REPS2: variants seen among roughly 807,000 people sequenced by gnomAD.
REPS2 encodes the protein RALBP1 associated Eps domain containing 2.
A neutral mutation model predicts 53.6 loss-of-function variants in REPS2; 23 were observed. That is an observed-to-expected ratio of 0.43 (90% CI 0.31 to 0.61). The LOEUF (loss-of-function observed/expected upper bound fraction) is 0.61. Ranked by LOEUF, REPS2 falls within the 20% of genes least tolerant of loss-of-function variation. REPS2 has a pLI of 0.11. For synonymous variants in REPS2, 238 were observed against 218.6 expected, an observed-to-expected ratio of 1.09 and a Z score of -0.78; for missense variants, 446 against 534.9, an observed-to-expected ratio of 0.83 and a Z score of 1.64.
At chrX:17,097,870 A>G (rs113751493) in intron 13 of REPS2, among the ~76,000 whole-genome samples, 2,874 of 112,228 alleles carry the variant, frequency 0.026, 93 homozygotes, top group African/African-American at 0.088. Context: ...AAAGTCTGAA[A>G]AGTCCTATAA....
chrX:17,104,426 G>T (rs750163651), intron 14 of REPS2, among the ~76,000 whole-genome samples: 12 of 112,247 alleles, frequency 1.1e-4, no homozygotes, highest in African/African-American at 2.9e-4. Flanking sequence ...TGGTGCTACA[G>T]ATCTTTCCTT....
intron 5 of REPS2, among the ~76,000 whole-genome samples, chrX:17,042,350 T>C (rs1240761436): frequency 4.5e-5 from 5 of 111,663 alleles, no homozygotes; most frequent in African/African-American, 1.6e-4. Context: ...TTATTTGCCC[T>C]CATTTCTCAG....
At chrX:17,111,265 C>G (rs1425180680) in intron 14 of REPS2, among the ~76,000 whole-genome samples, 3 of 111,417 alleles carry the variant, frequency 2.7e-5, no homozygotes, top group Non-Finnish European at 5.7e-5. Context: ...TTCAAATGAC[C>G]TCATGTAATA....
At chrX:17,012,773 T>C (rs2061445626) in intron 2 of REPS2, among the ~76,000 whole-genome samples, 1 of 112,156 alleles carries the variant, frequency 8.9e-6, no homozygotes, top group South Asian at 3.7e-4. Context: ...TGGGTTTTTT[T>C]TGGTTCCTCT....
chrX:17,077,425 C>A lies in REPS2; in HGVS notation c.1516+18C>A. 1 of 1,167,540 alleles carries A rather than the reference C, an allele frequency of 8.6e-7. No homozygotes were observed. Among genetic ancestry groups the A allele is most frequent in the African/African-American group, 1.8e-5 (1 of 56,195 alleles). On this transcript the variant is annotated intron_variant, in intron 13 of 17. Coordinates refer to ENST00000357277, the MANE Select transcript of REPS2 (RefSeq NM_004726.3). ...TGTGCCAGGTGAAGTGCCCCTTGCC[C>A]CCTGAGCCCTTCCATTTCCTGTTGG...
chrX:16,952,825 A>G (rs1448978749), intron 1 of REPS2, among the ~76,000 whole-genome samples: 1 of 111,654 alleles, frequency 9.0e-6, no homozygotes, highest in Non-Finnish European at 1.9e-5. Flanking sequence ...AGGCCAGCAT[A>G]TTAAAACAGT....
chrX:17,063,685 CAAAG>C (rs1240551695), intron 9 of REPS2, among the ~76,000 whole-genome samples: 4 of 110,992 alleles, frequency 3.6e-5, no homozygotes, highest in Non-Finnish European at 7.5e-5. Flanking sequence ...ATGCTTATGA[CAAAG>C]AGAGAGATAA....
chrX:16,956,284 GTTTTTTTTTTTT>G (rs869259012), intron 1 of REPS2, among the ~76,000 whole-genome samples: 1 of 24,747 alleles, frequency 4.0e-5, no homozygotes, highest in Non-Finnish European at 6.2e-5. Flanking sequence ...AACCACAGCA[GTTTTTTTTTTTT>G]TTTTTTTTTT....
At chrX:17,164,684 C>T in the REPS2 span, among the ~76,000 whole-genome samples, 2 of 111,168 alleles carry the variant, frequency 1.8e-5, no homozygotes, top group Admixed American at 1.9e-4. Context: ...GCTGTACATA[C>T]CTACATTAAA....
At chrX:17,036,270 T>C (rs2061764565) in intron 5 of REPS2, among the ~76,000 whole-genome samples, 1 of 112,846 alleles carries the variant, frequency 8.9e-6, no homozygotes, top group Non-Finnish European at 1.9e-5. Context: ...TTATGGGTCT[T>C]TGCCAATCTG....
chrX:16,981,332 G>A (rs887319170), intron 1 of REPS2, among the ~76,000 whole-genome samples: 2 of 112,014 alleles, frequency 1.8e-5, no homozygotes, highest in African/African-American at 6.5e-5. Flanking sequence ...CTGGGAGTAG[G>A]AATGCAGAAA....
the REPS2 span, among the ~76,000 whole-genome samples, chrX:17,170,289 A>G: frequency 8.9e-6 from 1 of 112,463 alleles, no homozygotes; most frequent in Non-Finnish European, 1.9e-5. Context: ...GGCTTTGGCT[A>G]TGAAAGCAAA....
chrX:17,083,975 A>G (rs1451043190), intron 13 of REPS2, among the ~76,000 whole-genome samples: 1 of 111,429 alleles, frequency 9.0e-6, no homozygotes, highest in Non-Finnish European at 1.9e-5. Context: ...GATATTTAGT[A>G]TATTCATAGT....
chrX:17,042,537 T>C (rs1490197443), intron 5 of REPS2, among the ~76,000 whole-genome samples: 1 of 111,411 alleles, frequency 9.0e-6, no homozygotes, highest in Non-Finnish European at 1.9e-5. Flanking sequence ...AACAGACTCA[T>C]AGGCTTCCTT....
At chrX:17,059,019 T>C (rs2062115077) in intron 8 of REPS2, among the ~76,000 whole-genome samples, 1 of 106,113 alleles carries the variant, frequency 9.4e-6, no homozygotes, top group Non-Finnish European at 1.9e-5. Context: ...CTTTCTTTTT[T>C]TTTTTTTTTG....
At chrX:16,951,555 A>ACCCC in intron 1 of REPS2, among the ~76,000 whole-genome samples, 1 of 24,001 alleles carries the variant, frequency 4.2e-5, no homozygotes, top group South Asian at 2.9e-3. Flanking sequence ...ACACACACAC[A>ACCCC]CACACCCCCG....
chrX:17,089,444 C>T (rs1453735166), intron 13 of REPS2, among the ~76,000 whole-genome samples: 3 of 111,486 alleles, frequency 2.7e-5, no homozygotes, highest in Non-Finnish European at 5.6e-5. Context: ...TTAATGATTT[C>T]TAGTAAATTT....
the REPS2 span, among the ~76,000 whole-genome samples, chrX:17,159,638 G>GC: frequency 9.0e-6 from 1 of 111,211 alleles, no homozygotes; most frequent in Admixed American, 9.5e-5. Flanking sequence ...TGATAATAGT[G>GC]CCCCCCAGCC....
chrX:17,068,329 T>G, intron 9 of REPS2, 73 bp from the exon 10 acceptor site: 1 of 917,400 alleles, frequency 1.1e-6, no homozygotes, highest in Non-Finnish European at 1.5e-6. Context: ...AAAAAAATTT[T>G]TTTTCATCAT....
Sources: gnomAD v4.1 joint callset for allele counts (sites outside exome capture counted in the v4.1 genomes callset) on GRCh38, gnomAD v4.1.1 for gene constraint, MANE v1.5 for transcripts, NCBI Gene and HGNC (gene_info 2026-07-23, HGNC 2026-07-21) for gene names.